The following SLC10A7 variants were observed in gnomAD, a reference collection of about 807,000 sequenced individuals.
SLC10A7 encodes the protein sodium/bile acid cotransporter 7.
A neutral mutation model predicts 43.2 loss-of-function variants in SLC10A7; 29 were observed. The observed-to-expected ratio is 0.67, with a 90% CI of 0.50 to 0.92. The LOEUF is 0.92. SLC10A7 is among the 40% of genes least tolerant of loss of function. The pLI is 0.00. For synonymous variants in SLC10A7, 152 were observed against 144.8 expected (o/e 1.05, Z -0.35); for missense variants, 295 against 403.2 (o/e 0.73, Z 2.30).
chr4:146,340,045 TC>T lies in SLC10A7; in HGVS notation c.436-14050del, dbSNP rs1233186486. On this transcript the variant is annotated intron_variant, in intron 5 of 11. Coordinates refer to ENST00000335472, the MANE Select transcript of SLC10A7 (RefSeq NM_001029998.6). ...TTTTTATTAAATATCAGTAGTTGCT[TC>T]TTTCCCTATCTACCTCTCACCAATG... is the stretch of plus-strand genomic sequence containing the variant. Among the ~76,000 whole-genome samples the T allele has an allele frequency of 9.9e-5, 15 of 151,998 alleles. No homozygotes were observed. In the East Asian group the frequency reaches 2.5e-3, roughly 26 times the overall value.
At chr4:146,295,349 A>G (rs1424414633) in intron 7 of SLC10A7, among the ~76,000 whole-genome samples, 1 of 152,314 alleles carries the variant, frequency 6.6e-6, no homozygotes, top group Non-Finnish European at 1.5e-5. Context: ...ATTTTAAAAA[A>G]TTGTAATTAA....
chr4:146,277,839 CTTTTT>C (rs1362934807), intron 10 of SLC10A7, among the ~76,000 whole-genome samples: 2 of 52,694 alleles, frequency 3.8e-5, no homozygotes, highest in Non-Finnish European at 5.7e-5. Flanking sequence ...TAGAATATAA[CTTTTT>C]ATTTTATTAA....
chr4:146,417,622 CA>C (rs1290452302), intron 5 of SLC10A7, among the ~76,000 whole-genome samples: 2 of 152,146 alleles, frequency 1.3e-5, no homozygotes, highest in Non-Finnish European at 2.9e-5. Flanking sequence ...GCTTCTTTCC[CA>C]AATGTTTTCC....
intron 4 of SLC10A7, among the ~76,000 whole-genome samples, chr4:146,499,889 C>T (rs900468574): frequency 2.6e-5 from 4 of 152,158 alleles, no homozygotes; most frequent in African/African-American, 7.2e-5. Flanking sequence ...GAATCTAATG[C>T]TACGTCAATG....
intron 4 of SLC10A7, among the ~76,000 whole-genome samples, chr4:146,458,169 A>G (rs1305312651): frequency 1.3e-5 from 2 of 151,884 alleles, no homozygotes; most frequent in Non-Finnish European, 2.9e-5. Context: ...AAGTTGGCAT[A>G]AGATTTAAGA....
At chr4:146,321,287 C>T (rs1732688174) in intron 6 of SLC10A7, among the ~76,000 whole-genome samples, 1 of 152,038 alleles carries the variant, frequency 6.6e-6, no homozygotes, top group Admixed American at 6.6e-5. Context: ...TGATGCTTGC[C>T]AGCAATCTTT....
Position 146,316,649 on chromosome 4 carries a change from A to C in SLC10A7, c.471+9312T>G, listed in dbSNP as rs74357272. On this transcript the variant is annotated intron_variant, in intron 6 of 11. Coordinates refer to ENST00000335472, the MANE Select transcript of SLC10A7 (RefSeq NM_001029998.6). The stretch of plus-strand genomic sequence containing the variant: ...AGTAGCCTGGATGAACTAAGACAGG[A>C]TCTTAGTAGTAAAAGGTGATACTTC... Among the ~76,000 whole-genome samples the C allele has an allele frequency of 1.1e-3, 175 of 152,202 alleles. 1 individual carries two copies. The East Asian group carries it at 0.02, about 17-fold the overall frequency.
chr4:146,303,375 CTTTTT>C (rs111238580), intron 7 of SLC10A7, among the ~76,000 whole-genome samples: 1 of 137,604 alleles, frequency 7.3e-6, no homozygotes. Context: ...CTTTTTCTTT[CTTTTT>C]TTTTTTTTTT....
chr4:146,448,626 G>A (rs961366356), intron 4 of SLC10A7, among the ~76,000 whole-genome samples: 2 of 152,138 alleles, frequency 1.3e-5, no homozygotes, highest in Non-Finnish European at 2.9e-5. Context: ...GCAAGTTAAT[G>A]TATTAAACTT....
chr4:146,279,568 C>G (rs1342316808), intron 10 of SLC10A7, among the ~76,000 whole-genome samples: 1 of 152,116 alleles, frequency 6.6e-6, no homozygotes, highest in Non-Finnish European at 1.5e-5. Context: ...TTATGGCAAC[C>G]CACAGCAAGT....
intron 4 of SLC10A7, among the ~76,000 whole-genome samples, chr4:146,472,497 T>G (rs1388971656): frequency 1.3e-5 from 2 of 148,580 alleles, no homozygotes; most frequent in Non-Finnish European, 3.0e-5. Flanking sequence ...AGCATATTAC[T>G]CCACTGTCAG....
At chr4:146,290,663 C>G (rs995205798) in intron 9 of SLC10A7, among the ~76,000 whole-genome samples, 3 of 152,098 alleles carry the variant, frequency 2.0e-5, no homozygotes, top group Non-Finnish European at 2.9e-5. Context: ...AGTTTAAGAC[C>G]AGCCTGGGCA....
chr4:146,284,766 T>C (rs969041810), intron 9 of SLC10A7, among the ~76,000 whole-genome samples: 1 of 152,220 alleles, frequency 6.6e-6, no homozygotes. Context: ...TTGCATTACA[T>C]GGCTTTCATA....
chr4:146,414,526 C>G (rs1422739072), intron 5 of SLC10A7, among the ~76,000 whole-genome samples: 1 of 152,062 alleles, frequency 6.6e-6, no homozygotes, highest in Non-Finnish European at 1.5e-5. Context: ...GAGTTCGAGA[C>G]TAGCCTGGCC....
rs188586184 is a variant in SLC10A7 at position 146,272,748 on chromosome 4, A to T, written c.847+10444T>A. Among the ~76,000 whole-genome samples the T allele has an allele frequency of 2.6e-5, 4 of 152,340 alleles. No individual in the cohort carries two copies. The East Asian group carries it at 7.7e-4, about 29-fold the overall frequency. On this transcript the variant is annotated intron_variant, in intron 10 of 11. Coordinates refer to ENST00000335472, the MANE Select transcript of SLC10A7 (RefSeq NM_001029998.6). Reference sequence around the variant, plus strand: ...CTCCTGGGTGAGAGTCTTCACTTCAAACGCAGTAAATGAGTGTTGTTTTGT... The same window carrying T: ...CTCCTGGGTGAGAGTCTTCACTTCATACGCAGTAAATGAGTGTTGTTTTGT...
At chr4:146,462,973 A>G (rs1333449629) in intron 4 of SLC10A7, among the ~76,000 whole-genome samples, 1 of 152,168 alleles carries the variant, frequency 6.6e-6, no homozygotes, top group Non-Finnish European at 1.5e-5. Flanking sequence ...GATTAAAAAG[A>G]AAAAAAGCTT....
At chr4:146,413,993 C>G (rs1728382766) in intron 5 of SLC10A7, among the ~76,000 whole-genome samples, 1 of 152,114 alleles carries the variant, frequency 6.6e-6, no homozygotes, top group Admixed American at 6.6e-5. Context: ...AACAAGCTCA[C>G]TATACTTCTG....
intron 5 of SLC10A7, among the ~76,000 whole-genome samples, chr4:146,438,894 A>T (rs532426319): frequency 6.6e-6 from 1 of 152,184 alleles, no homozygotes; most frequent in Non-Finnish European, 1.5e-5. Context: ...GATGAGGAGC[A>T]ACATGTGAGT....
At chr4:146,476,550 G>A (rs1734046736) in intron 4 of SLC10A7, among the ~76,000 whole-genome samples, 1 of 152,050 alleles carries the variant, frequency 6.6e-6, no homozygotes, top group Admixed American at 6.6e-5. Context: ...GGCACATGTG[G>A]AGTTACCTGA....
Sources: allele counts gnomAD v4.1 joint callset (sites outside exome capture counted in the v4.1 genomes callset), GRCh38; gene constraint gnomAD v4.1.1; transcripts MANE v1.5; gene names NCBI Gene and HGNC (gene_info 2026-07-23, HGNC 2026-07-21).